RAB11FIP1: variants seen among roughly 807,000 people sequenced by gnomAD.
The protein encoded by RAB11FIP1 is rab11 family-interacting protein 1.
A neutral mutation model predicts 83.1 loss-of-function variants in RAB11FIP1; 49 were observed. The ratio of observed to expected loss-of-function variants is 0.59; its 90% CI spans 0.47 to 0.75. RAB11FIP1 has a LOEUF of 0.75. Among genes scored for constraint, RAB11FIP1 ranks in the 30% least tolerant of loss-of-function variants. The pLI is 0.00. For synonymous variants in RAB11FIP1, 670 were observed against 656.0 expected, an observed-to-expected ratio of 1.02 and a Z score of -0.33; for missense variants, 1,536 against 1,598.7, an observed-to-expected ratio of 0.96 and a Z score of 0.67.
chr8:37,887,530 C>CA (rs572127005), intron 1 of RAB11FIP1, among the ~76,000 whole-genome samples: 1,591 of 74,740 alleles, frequency 0.021, 25 homozygotes, highest in African/African-American at 0.057. Flanking sequence ...GACGCCATCT[C>CA]AAAAAAAAAA....
chr8:37,895,269 T>A (rs1203739567), intron 1 of RAB11FIP1, among the ~76,000 whole-genome samples: 217 of 32,362 alleles, frequency 6.7e-3, no homozygotes, highest in Non-Finnish European at 7.6e-3. Flanking sequence ...ATTTTTTTTT[T>A]TTTTTTTTTT....
chr8:37,877,889 T>G (rs1806651422), intron 1 of RAB11FIP1: 1 of 178,528 alleles, frequency 5.6e-6, no homozygotes, highest in Non-Finnish European at 1.2e-5. Context: ...CCAGCTAATT[T>G]TTGTATTTTT....
chr8:37,862,875 G>T lies in RAB11FIP1; in HGVS notation c.*20C>A. ...GAAAGTGAAGTCACAGAAACGTCTCGGTGTTTTTTTTCTGCTGATTTACAT... is the reference window on the plus strand; with the variant it reads ...GAAAGTGAAGTCACAGAAACGTCTCTGTGTTTTTTTTCTGCTGATTTACAT... On this transcript the variant is annotated 3_prime_UTR_variant, in exon 6 of 6. Transcript: ENST00000330843. The T allele has an allele frequency of 6.3e-7, 1 of 1,591,020 alleles. No homozygotes were observed.
chr8:37,889,499 G>A (rs1397619069), intron 1 of RAB11FIP1, among the ~76,000 whole-genome samples: 1 of 152,130 alleles, frequency 6.6e-6, no homozygotes, highest in Non-Finnish European at 1.5e-5. Context: ...TGCCACTGAT[G>A]CATTTATTTG....
intron 2 of RAB11FIP1, among the ~76,000 whole-genome samples, chr8:37,876,214 A>AAGG (rs1806604595): frequency 1.1e-3 from 147 of 128,382 alleles, no homozygotes; most frequent in East Asian, 9.5e-3. Flanking sequence ...GAAAAGAAAG[A>AAGG]AAGGAAGGAA....
intron 5 of RAB11FIP1, among the ~76,000 whole-genome samples, chr8:37,868,739 G>T (rs1806391944): frequency 6.6e-6 from 1 of 152,176 alleles, no homozygotes; most frequent in Non-Finnish European, 1.5e-5. Context: ...GCAGGATGAA[G>T]ACAATCCTAG....
chr8:37,861,724 G>T lies in RAB11FIP1; in HGVS notation c.*1171C>A. 1 of 372,104 alleles carries T rather than the reference G, an allele frequency of 2.7e-6. No individual in the cohort carries two copies. The highest frequency in any genetic ancestry group is 2.0e-5 in the South Asian group (1 of 49,644). The allele number at this position is 372,104 out of a possible 1,614,324, so 23.1% of individuals were successfully genotyped here. ...CTGCCCCAGCCTCCCGAGTAGCTGG[G>T]ATTACAGGCACGCACCACCATGCCA... On this transcript the variant is annotated 3_prime_UTR_variant, in exon 6 of 6. Transcript: ENST00000330843.
chr8:37,862,842 G>GA lies in RAB11FIP1; in HGVS notation c.*52dup. 1 of 1,449,228 alleles carries GA rather than the reference G, an allele frequency of 6.9e-7. No individual in the cohort carries two copies. Among genetic ancestry groups the GA allele is most frequent in the Non-Finnish European group, 9.6e-7 (1 of 1,045,640 alleles). The allele number at this position is 1,449,228 out of a possible 1,614,324, so 89.8% of individuals were successfully genotyped here. ...AGGCAAGGCAAGTCCTTGACCCCTG[G>GA]AGCAGGTGAAAGTGAAGTCACAGAA... On this transcript the variant is annotated 3_prime_UTR_variant, in exon 6 of 6. Coordinates refer to ENST00000330843, the MANE Select transcript of RAB11FIP1 (RefSeq NM_001002814.3).
intron 1 of RAB11FIP1, among the ~76,000 whole-genome samples, chr8:37,884,641 C>G (rs555993391): frequency 6.6e-6 from 1 of 151,914 alleles, no homozygotes; most frequent in South Asian, 2.1e-4. Flanking sequence ...CTCCACCTCC[C>G]GGGTTCAAGC....
intron 4 of RAB11FIP1, 79 bp from the exon 5 acceptor site, chr8:37,870,607 C>A: frequency 1.4e-6 from 1 of 713,144 alleles, no homozygotes. Flanking sequence ...AAGACGGCAG[C>A]CAGTAAGCCA....
intron 2 of RAB11FIP1, 116 bp from the exon 3 acceptor site, chr8:37,875,438 G>T: frequency 1.4e-6 from 1 of 733,392 alleles, no homozygotes; most frequent in Non-Finnish European, 2.3e-6. Flanking sequence ...GAGGGGGTGT[G>T]CTGCTATTCG....
Position 37,861,900 on chromosome 8 carries a change from C to T in RAB11FIP1, c.*995G>A. On this transcript the variant is annotated 3_prime_UTR_variant, in exon 6 of 6. Transcript: ENST00000330843. The stretch of plus-strand genomic sequence containing the variant: ...CACCACGACTGGCCTGAAGGGGCTT[C>T]TTCATCTTGGGGAGTTGGTGGACCC... 1 of 235,984 alleles carries T rather than the reference C, an allele frequency of 4.2e-6. No homozygotes were observed. The highest frequency in any genetic ancestry group is 4.5e-5 in the South Asian group (1 of 22,470). 14.6% of individuals were successfully genotyped at this position (235,984 alleles called of 1,614,324 possible).
intron 5 of RAB11FIP1, among the ~76,000 whole-genome samples, chr8:37,865,236 G>A (rs1806319189): frequency 6.6e-6 from 1 of 151,986 alleles, no homozygotes; most frequent in African/African-American, 2.4e-5. Context: ...AGAGAGGGAT[G>A]CAGAGGCTGA....
intron 3 of RAB11FIP1, 181 bp from the exon 4 acceptor site, chr8:37,873,360 T>C (rs1246584418): frequency 3.4e-6 from 2 of 581,376 alleles, no homozygotes; most frequent in South Asian, 2.5e-5. Context: ...ATCCCAGCAC[T>C]GTGGGAGGCC....
At position 37,861,869 on chromosome 8, in the gene RAB11FIP1, A is replaced by C. The variant is rs901086974; in HGVS notation, c.*1026T>G. 1 of 248,660 alleles carries C rather than the reference A, an allele frequency of 4.0e-6. No individual in the cohort carries two copies. Among genetic ancestry groups the C allele is most frequent in the East Asian group, 1.4e-4 (1 of 7,312 alleles). 15.4% of individuals were successfully genotyped at this position (248,660 alleles called of 1,614,324 possible). On this transcript the variant is annotated 3_prime_UTR_variant, in exon 6 of 6. Coordinates refer to ENST00000330843, the MANE Select transcript of RAB11FIP1 (RefSeq NM_001002814.3). ...CTTGCAAAGTGCTGGGATTACAGGC[A>C]TGAGCCACCACGACTGGCCTGAAGG...
rs201773104 is a variant in RAB11FIP1 at position 37,871,396 on chromosome 8, C to T, written c.3406G>A (p.Ala1136Thr). 6.5e-5 allele frequency: 105 copies of T among 1,614,224 alleles called. No individual in the cohort carries two copies. Among genetic ancestry groups the T allele is most frequent in the Middle Eastern group, 3.3e-4 (2 of 6,062 alleles). Residue 1136 changes from alanine (A) to threonine (T), a missense_variant, in exon 4 of 6, where the codon GCT becomes ACT. Transcript: ENST00000330843. ...SQKKATAEGS[A>T]GRVENFGKRK... The stretch of plus-strand genomic sequence containing the variant: ...TTGCCAAAATTTTCAACTCTACCAG[C>T]GGAGCCCTCTGCTGTGGCTTTTTTT...
At chr8:37,864,701 C>A (rs2130124382) in intron 5 of RAB11FIP1, among the ~76,000 whole-genome samples, 1 of 152,316 alleles carries the variant, frequency 6.6e-6, no homozygotes, top group African/African-American at 2.4e-5. Context: ...GCGGGTTCAA[C>A]CCCACACAGG....
Position 37,899,369 on chromosome 8 carries a change from G to A in RAB11FIP1, c.73C>T (p.Leu25=), listed in dbSNP as rs1807171630. 6.2e-7 allele frequency: 1 copy of A among 1,604,898 alleles called. No homozygotes were observed. The highest frequency in any genetic ancestry group is 1.4e-5 in the African/African-American group (1 of 73,594). ...TTGGCCCGCAGGCCCCGCGCCTGCA[G>A]CACCGTCACCTGCACGTGGGTTGGG... is the stretch of plus-strand genomic sequence containing the variant. ...WSPTHVQVTV[L]QARGLRAKGP... Residue 25 remains leucine, a synonymous_variant, in exon 1 of 6, where the codon CTG becomes TTG. Transcript: ENST00000330843. The surrounding 1 kb of genome is among the most constrained non-coding windows in gnomAD (Gnocchi z 4.5).
chr8:37,877,661 C>A, intron 1 of RAB11FIP1, 110 bp from the exon 2 acceptor site: 1 of 637,588 alleles, frequency 1.6e-6, no homozygotes, highest in South Asian at 1.9e-5. Flanking sequence ...CTCTTCAATG[C>A]ATGCATTCTC....
Sources: gnomAD v4.1 joint callset for allele counts (sites outside exome capture counted in the v4.1 genomes callset) on GRCh38, gnomAD v4.1.1 for gene constraint, Gnocchi (gnomAD v3.1) non-coding constraint, MANE v1.5 for transcripts, NCBI Gene and HGNC (gene_info 2026-07-23, HGNC 2026-07-21) for gene names.